PRKG1: variants seen among roughly 807,000 people sequenced by gnomAD.
PRKG1 encodes protein kinase cGMP-dependent 1.
Under a neutral mutation model 88.1 loss-of-function variants are expected in PRKG1, and 35 were observed. The ratio of observed to expected loss-of-function variants is 0.40; its 90% CI spans 0.30 to 0.53. The LOEUF is 0.53. Ranked by LOEUF, PRKG1 falls within the 20% of genes least tolerant of loss-of-function variation. The pLI is 0.59. For missense variants in PRKG1, 540 were observed against 839.8 expected (o/e 0.64, Z 4.41); for synonymous variants, 303 against 292.5 (o/e 1.04, Z -0.37).
At chr10:51,551,897 A>G (rs962783163) in intron 3 of PRKG1, among the ~76,000 whole-genome samples, 2 of 151,852 alleles carry the variant, frequency 1.3e-5, no homozygotes, top group Admixed American at 6.6e-5. Context: ...TCCAGCCTTT[A>G]AATTAGTCAT....
intron 2 of PRKG1, among the ~76,000 whole-genome samples, chr10:51,292,994 T>G (rs1003944799): frequency 6.6e-6 from 1 of 152,120 alleles, no homozygotes; most frequent in South Asian, 2.1e-4. Flanking sequence ...AGACCCAATC[T>G]CTGCCCTCAC....
chr10:51,590,866 G>A (rs1476507841), intron 3 of PRKG1, among the ~76,000 whole-genome samples: 1 of 152,118 alleles, frequency 6.6e-6, no homozygotes, highest in East Asian at 1.9e-4. Flanking sequence ...AAAAGGAAAG[G>A]AAATCAGGTG....
intron 9 of PRKG1, among the ~76,000 whole-genome samples, chr10:52,210,491 G>A (rs181975243): frequency 8.6e-5 from 13 of 152,044 alleles, no homozygotes; most frequent in African/African-American, 2.4e-4. Context: ...AATTCTGCTC[G>A]TTTCTTTTAT....
chr10:51,226,141 T>C (rs572317079), intron 2 of PRKG1, among the ~76,000 whole-genome samples: 1 of 152,198 alleles, frequency 6.6e-6, no homozygotes, highest in South Asian at 2.1e-4. Context: ...GATTCAGAGG[T>C]TGCAGTGACC....
chr10:52,272,736 G>A (rs1841765073), intron 12 of PRKG1, among the ~76,000 whole-genome samples: 2 of 151,810 alleles, frequency 1.3e-5, no homozygotes, highest in Admixed American at 1.3e-4. Flanking sequence ...ATATATACAT[G>A]GCCTTAGTTT....
At chr10:52,124,468 A>C (rs1048644017) in intron 7 of PRKG1, among the ~76,000 whole-genome samples, 8 of 152,184 alleles carry the variant, frequency 5.3e-5, no homozygotes. Context: ...ACACCCAAAT[A>C]GGGCACTTAC....
intron 1 of PRKG1, among the ~76,000 whole-genome samples, chr10:51,039,645 G>A (rs571310818): frequency 2.6e-4 from 39 of 151,932 alleles, no homozygotes; most frequent in Non-Finnish European, 4.7e-4. Flanking sequence ...CTGTGCTTTG[G>A]GGGTACTACT....
chr10:51,657,699 T>C (rs919814779), intron 3 of PRKG1, among the ~76,000 whole-genome samples: 8 of 152,160 alleles, frequency 5.3e-5, no homozygotes, highest in African/African-American at 1.9e-4. Flanking sequence ...GAGTGGAACA[T>C]TTTTGATTCA....
chr10:51,884,715 C>T (rs975405517), intron 4 of PRKG1, among the ~76,000 whole-genome samples: 27 of 152,096 alleles, frequency 1.8e-4, no homozygotes, highest in Admixed American at 2.6e-4. Context: ...TGTCATCATA[C>T]AGTAGTTTAG....
rs935329432 is a variant in PRKG1 at position 52,296,114 on chromosome 10, T to TAGGCTTGCTAAAGAA, written c.*2225_*2239dup. ...ACTTTTGTTGAAAGATAATGTGGTT[T>TAGGCTTGCTAAAGAA]AGGCTTGCTAAAGAAAGGCTTGCTA... On this transcript the variant is annotated 3_prime_UTR_variant, in exon 18 of 18. Transcript: ENST00000373980. The TAGGCTTGCTAAAGAA allele has an allele frequency of 6.6e-6, 1 of 152,090 alleles. No homozygotes were observed. The highest frequency in any genetic ancestry group is 1.5e-5 in the Non-Finnish European group (1 of 67,954). The allele number at this position is 152,090 out of a possible 1,614,324, so 9.4% of individuals were successfully genotyped here.
At position 51,719,790 on chromosome 10, in the gene PRKG1, T is replaced by C. The variant is rs146454398; in HGVS notation, c.593-84795T>C. On this transcript the variant is annotated intron_variant, in intron 3 of 17. Transcript: ENST00000373980. Reference sequence around the variant, plus strand: ...TATAATATCTTTCAGAACTTTTCTGTAAATCTAAAATTATCCCCAGAAAAG... The same window carrying C: ...TATAATATCTTTCAGAACTTTTCTGCAAATCTAAAATTATCCCCAGAAAAG... Among the ~76,000 whole-genome samples, 291 of 152,318 alleles carry C rather than the reference T, an allele frequency of 1.9e-3. 2 individuals carry two copies. Among genetic ancestry groups the C allele is most frequent in the African/African-American group, 6.7e-3 (278 of 41,568 alleles).
chr10:51,159,894 A>G (rs1405781181), intron 2 of PRKG1, among the ~76,000 whole-genome samples: 1 of 152,142 alleles, frequency 6.6e-6, no homozygotes, highest in Non-Finnish European at 1.5e-5. Context: ...GTCTAAATTG[A>G]ATCAACTTGA....
chr10:51,210,383 C>A (rs1001796765), intron 2 of PRKG1, among the ~76,000 whole-genome samples: 17 of 152,026 alleles, frequency 1.1e-4, no homozygotes, highest in Non-Finnish European at 2.4e-4. Flanking sequence ...AAAATTGACA[C>A]CCTAACATCA....
intron 1 of PRKG1, among the ~76,000 whole-genome samples, chr10:51,020,576 A>C (rs1039406988): frequency 1.3e-5 from 2 of 152,140 alleles, no homozygotes; most frequent in African/African-American, 2.4e-5. Context: ...ATATACTAAA[A>C]CTTTATTAAT....
intron 2 of PRKG1, among the ~76,000 whole-genome samples, chr10:51,362,883 G>A (rs959501127): frequency 4.6e-5 from 7 of 151,772 alleles, no homozygotes; most frequent in African/African-American, 1.7e-4. Context: ...GTGGTGTTTG[G>A]TTTTCTGTTC....
intron 3 of PRKG1, among the ~76,000 whole-genome samples, chr10:51,500,303 C>T (rs1391602316): frequency 6.6e-6 from 1 of 152,178 alleles, no homozygotes; most frequent in East Asian, 1.9e-4. Context: ...ACAATACTTC[C>T]AATAAATAGT....
chr10:51,395,368 T>G (rs750026552), intron 2 of PRKG1, among the ~76,000 whole-genome samples: 2 of 152,254 alleles, frequency 1.3e-5, no homozygotes, highest in Non-Finnish European at 2.9e-5. Context: ...ATGGAAAATC[T>G]AATTATTGTT....
intron 1 of PRKG1, among the ~76,000 whole-genome samples, chr10:51,146,031 AC>A (rs1845939183): frequency 6.6e-6 from 1 of 151,874 alleles, no homozygotes; most frequent in South Asian, 2.1e-4. Context: ...AAACAAACAA[AC>A]AAAAAAAACA....
chr10:51,800,393 C>T (rs572573584), intron 3 of PRKG1, among the ~76,000 whole-genome samples: 11 of 152,198 alleles, frequency 7.2e-5, no homozygotes, highest in Non-Finnish European at 1.3e-4. Context: ...CATTTAAACA[C>T]TCAACCTACC....
Sources: gnomAD v4.1 joint callset for allele counts (sites outside exome capture counted in the v4.1 genomes callset) on GRCh38, gnomAD v4.1.1 for gene constraint, MANE v1.5 for transcripts, NCBI Gene and HGNC (gene_info 2026-07-23, HGNC 2026-07-21) for gene names.